SCHIP1: variants seen among roughly 807,000 people sequenced by gnomAD.
SCHIP1 encodes schwannomin-interacting protein 1.
A neutral mutation model predicts 29.7 loss-of-function variants in SCHIP1; 8 were observed. The observed-to-expected ratio is 0.27, with a 90% CI of 0.16 to 0.49. The LOEUF (loss-of-function observed/expected upper bound fraction) is 0.49. SCHIP1 is among the 20% of genes least tolerant of loss of function. The pLI is 0.99. For missense variants in SCHIP1, 193 were observed against 294.6 expected (o/e 0.66, Z 2.52); for synonymous variants, 76 against 94.9 (o/e 0.80, Z 1.16).
the SCHIP1 span, among the ~76,000 whole-genome samples, chr3:159,573,478 A>T: frequency 6.6e-6 from 1 of 152,152 alleles, no homozygotes; most frequent in African/African-American, 2.4e-5. Context: ...TGAGAGATCC[A>T]CTGTTAGTCT....
In SCHIP1 at chr3:159,871,519, T is replaced by A. The variant is rs114881521; in HGVS notation, c.149+5238T>A. Among the ~76,000 whole-genome samples, 270 of 152,294 alleles carry A rather than the reference T, an allele frequency of 1.8e-3. 5 individuals carry two copies. Among genetic ancestry groups the A allele is most frequent in the African/African-American group, 6.3e-3 (260 of 41,534 alleles). ...GCCTAAAATAGTATCTAATACATAATCACTAAATATTTGTTGAATAAATGA... is the reference window on the plus strand; with the variant it reads ...GCCTAAAATAGTATCTAATACATAAACACTAAATATTTGTTGAATAAATGA... On this transcript the variant is annotated intron_variant, in intron 2 of 6. Transcript: ENST00000445224.
the SCHIP1 span, among the ~76,000 whole-genome samples, chr3:159,605,261 T>C: frequency 1.3e-5 from 2 of 152,212 alleles, no homozygotes; most frequent in African/African-American, 4.8e-5. Flanking sequence ...ATGTTAATCA[T>C]ATATGTTACT....
the SCHIP1 span, among the ~76,000 whole-genome samples, chr3:159,604,851 A>G: frequency 2.6e-5 from 4 of 152,332 alleles, no homozygotes; most frequent in African/African-American, 9.6e-5. Flanking sequence ...TCACTTGAAC[A>G]TAGTACAGAC....
At chr3:159,513,803 T>C in the SCHIP1 span, among the ~76,000 whole-genome samples, 56 of 152,320 alleles carry the variant, frequency 3.7e-4, no homozygotes, top group African/African-American at 1.3e-3. Context: ...ACTGCAGAAA[T>C]GCATTGATAA....
At chr3:159,702,570 A>C in the SCHIP1 span, among the ~76,000 whole-genome samples, 1 of 152,234 alleles carries the variant, frequency 6.6e-6, no homozygotes. Flanking sequence ...AATACATCTA[A>C]AGAAGTGAGC....
the SCHIP1 span, among the ~76,000 whole-genome samples, chr3:159,417,793 G>A: frequency 6.6e-6 from 1 of 152,154 alleles, no homozygotes. Context: ...AAGAGCAGTG[G>A]TTTGAAATAG....
the SCHIP1 span, among the ~76,000 whole-genome samples, chr3:159,297,901 AC>A: frequency 2.2e-3 from 328 of 152,020 alleles, 4 homozygotes; most frequent in African/African-American, 7.5e-3. Flanking sequence ...CCCCATCCCC[AC>A]CCACCAAGCT....
At chr3:159,332,218 A>G in the SCHIP1 span, among the ~76,000 whole-genome samples, 6 of 152,198 alleles carry the variant, frequency 3.9e-5, no homozygotes. Context: ...CCTGTTCATA[A>G]TAGGTGCTCA....
chr3:159,712,809 AAAAGAAAGAAAGAAGAGAG>A, the SCHIP1 span, among the ~76,000 whole-genome samples: 674 of 151,376 alleles, frequency 4.5e-3, 5 homozygotes, highest in African/African-American at 0.016. Context: ...GAGAGAAAGA[AAAAGAAAGAAAGAAGAGAG>A]AAAGAAAGAA....
chr3:159,566,371 G>C, the SCHIP1 span, among the ~76,000 whole-genome samples: 1 of 152,092 alleles, frequency 6.6e-6, no homozygotes, highest in African/African-American at 2.4e-5. Context: ...CTGTGGACCA[G>C]GTATTGTTCT....
chr3:159,279,672 C>T, the SCHIP1 span, among the ~76,000 whole-genome samples: 3 of 128,976 alleles, frequency 2.3e-5, no homozygotes, highest in Non-Finnish European at 5.2e-5. Context: ...TTGACCATTG[C>T]TAATTTCAGT....
chr3:159,617,597 T>C, the SCHIP1 span, among the ~76,000 whole-genome samples: 1 of 152,266 alleles, frequency 6.6e-6, no homozygotes, highest in East Asian at 1.9e-4. Flanking sequence ...TAAAACAATC[T>C]TTGTTCACAG....
chr3:159,398,947 A>G, the SCHIP1 span: 11 of 983,948 alleles, frequency 1.1e-5, no homozygotes, highest in Admixed American at 6.2e-5. Context: ...AGGATTATTC[A>G]AACAAGTGTG....
the SCHIP1 span, among the ~76,000 whole-genome samples, chr3:159,589,806 A>T: frequency 6.6e-6 from 1 of 152,148 alleles, no homozygotes; most frequent in African/African-American, 2.4e-5. Context: ...ATTCTGTCTC[A>T]TTAGATGTCA....
At chr3:159,431,965 G>A in the SCHIP1 span, among the ~76,000 whole-genome samples, 1 of 128,846 alleles carries the variant, frequency 7.8e-6, no homozygotes, top group East Asian at 2.2e-4. Context: ...TTATGTTAAT[G>A]AGTTTTGCTT....
Position 159,876,077 on chromosome 3 carries a change from G to A in SCHIP1, c.149+9796G>A, listed in dbSNP as rs147034166. 3.1e-3 allele frequency among the ~76,000 whole-genome samples: 472 copies of A among 152,266 alleles called. 2 individuals carry two copies. The highest frequency in any genetic ancestry group is 0.011 in the African/African-American group (451 of 41,548). On this transcript the variant is annotated intron_variant, in intron 2 of 6. Coordinates refer to ENST00000445224, the Ensembl canonical transcript of SCHIP1. ...TAAGTAGACAGAATATTTATGTATG[G>A]CATTAGAAAATCAGTGTCATTGAAA...
the SCHIP1 span, among the ~76,000 whole-genome samples, chr3:159,461,553 C>T: frequency 2.4e-4 from 37 of 151,760 alleles, no homozygotes; most frequent in East Asian, 4.3e-3. Context: ...AAAAATTATC[C>T]GGAAGTATAT....
the SCHIP1 span, among the ~76,000 whole-genome samples, chr3:159,369,489 T>G: frequency 1.3e-5 from 2 of 152,088 alleles, no homozygotes; most frequent in Admixed American, 1.3e-4. Flanking sequence ...AGGTTGATCA[T>G]CTACAGCAAA....
At chr3:159,368,290 T>C in the SCHIP1 span, among the ~76,000 whole-genome samples, 2 of 152,232 alleles carry the variant, frequency 1.3e-5, no homozygotes, top group Non-Finnish European at 2.9e-5. Flanking sequence ...TCTGTCTTCT[T>C]CCTTGACTAA....
Sources: allele counts gnomAD v4.1 joint callset (sites outside exome capture counted in the v4.1 genomes callset), GRCh38; gene constraint gnomAD v4.1.1; transcripts MANE v1.5; gene names NCBI Gene and HGNC (gene_info 2026-07-23, HGNC 2026-07-21).